The following ARFGEF1 variants were observed in gnomAD, a reference collection of about 807,000 sequenced individuals.
ARFGEF1 encodes the protein brefeldin A-inhibited guanine nucleotide-exchange protein 1.
Under a neutral mutation model 231.0 loss-of-function variants are expected in ARFGEF1, and 42 were observed. The observed-to-expected ratio is 0.18, with a 90% CI of 0.14 to 0.24. The LOEUF (loss-of-function observed/expected upper bound fraction) is 0.24, where lower values mean the gene tolerates loss of function less well. Ranked by LOEUF, ARFGEF1 falls within the 10% of genes least tolerant of loss-of-function variation. ARFGEF1 has a pLI of 1.00. For missense variants in ARFGEF1, 1,345 were observed against 2,192.0 expected, an observed-to-expected ratio of 0.61 and a Z score of 7.72; for synonymous variants, 710 against 732.3, an observed-to-expected ratio of 0.97 and a Z score of 0.49.
At chr8:67,318,364 T>C (rs926388222) in intron 1 of ARFGEF1, among the ~76,000 whole-genome samples, 6 of 151,170 alleles carry the variant, frequency 4.0e-5, no homozygotes, top group African/African-American at 9.7e-5. Context: ...AACCTAGCAA[T>C]AGAGGAGAAT....
chr8:67,271,757 G>A lies in ARFGEF1; in HGVS notation c.1517C>T (p.Ser506Phe). 11 of 1,613,652 alleles carry A rather than the reference G, an allele frequency of 6.8e-6. No individual in the cohort carries two copies. The highest frequency in any genetic ancestry group is 8.5e-6 in the Non-Finnish European group (10 of 1,179,846). ...SVPEVFELSL[S>F]IFLTLLSNFK... Reference sequence around the variant, plus strand: ...ATTTGACAACAAAGTAAGAAATATAGAAAGAGAAAGCTCAAAAACCTCTGG... The same window carrying A: ...ATTTGACAACAAAGTAAGAAATATAAAAAGAGAAAGCTCAAAAACCTCTGG... The change falls in exon 10 of 39, where the codon TCT becomes TTT. Residue 506 changes from serine (S) to phenylalanine (F), a missense_variant. Physicochemically the swap from Ser to Phe is radical, Grantham distance 155. Coordinates refer to ENST00000262215, the MANE Select transcript of ARFGEF1 (RefSeq NM_006421.5).
Position 67,275,921 on chromosome 8 carries a change from G to A in ARFGEF1, c.1337+55C>T, listed in dbSNP as rs1055681248. Reference sequence around the variant, plus strand: ...AGAAAATCCAAACATTACCTTAACAGTAAGTTTCAAGCCTAAAAACCTCTA... The same window carrying A: ...AGAAAATCCAAACATTACCTTAACAATAAGTTTCAAGCCTAAAAACCTCTA... On this transcript the variant is annotated intron_variant, in intron 9 of 38. Coordinates refer to ENST00000262215, the MANE Select transcript of ARFGEF1 (RefSeq NM_006421.5). 8.8e-6 allele frequency: 14 copies of A among 1,599,370 alleles called. No individual in the cohort carries two copies. In the African/African-American group the frequency reaches 1.8e-4, roughly 20 times the overall value.
At chr8:67,236,372 A>ATATATATATATG (rs1839764869) in intron 22 of ARFGEF1, among the ~76,000 whole-genome samples, 1 of 34,200 alleles carries the variant, frequency 2.9e-5, no homozygotes, top group African/African-American at 1.6e-4. Flanking sequence ...AAAAATATAT[A>ATATATATATATG]TATATATATA....
intron 1 of ARFGEF1, among the ~76,000 whole-genome samples, chr8:67,335,733 A>T (rs946066427): frequency 1.3e-5 from 2 of 152,150 alleles, no homozygotes; most frequent in African/African-American, 4.8e-5. Flanking sequence ...TGGTAATATG[A>T]AATATTTTAA....
rs1429766310 is a variant in ARFGEF1 at position 67,198,308 on chromosome 8, T to C, written c.*626A>G. The C allele has an allele frequency of 2.0e-6, 2 of 984,366 alleles. No homozygotes were observed. Among genetic ancestry groups the C allele is most frequent in the Non-Finnish European group, 2.4e-6 (2 of 828,700 alleles). 61.0% of individuals were successfully genotyped at this position (984,366 alleles called of 1,614,324 possible). On this transcript the variant is annotated 3_prime_UTR_variant, in exon 39 of 39. Coordinates refer to ENST00000262215, the MANE Select transcript of ARFGEF1 (RefSeq NM_006421.5). The stretch of plus-strand genomic sequence containing the variant: ...GTTTAGTGCATTTGACAAAATATTA[T>C]GGGTATTTAGCAAATGAATAAGAAA...
downstream of ARFGEF1, among the ~76,000 whole-genome samples, chr8:67,196,890 C>CACTT (rs879807517): frequency 1.1e-4 from 16 of 152,158 alleles, no homozygotes; most frequent in African/African-American, 2.7e-4. Flanking sequence ...AAATACAGCA[C>CACTT]ACTTACTTAC....
chr8:67,343,105 G>GCC, intron 1 of ARFGEF1, 59 bp downstream of exon 1: 1 of 483,916 alleles, frequency 2.1e-6, no homozygotes, highest in South Asian at 3.8e-5. Flanking sequence ...CCCCCCACAG[G>GCC]CGCCCCCCTC....
intron 1 of ARFGEF1, among the ~76,000 whole-genome samples, chr8:67,324,265 G>C (rs1807727819): frequency 6.6e-6 from 1 of 152,192 alleles, no homozygotes; most frequent in Non-Finnish European, 1.5e-5. Flanking sequence ...CTGCACTCTA[G>C]CTTGGCAACT....
At chr8:67,217,396 A>G (rs1398223744) in intron 32 of ARFGEF1, among the ~76,000 whole-genome samples, 4 of 151,996 alleles carry the variant, frequency 2.6e-5, no homozygotes, top group Admixed American at 2.0e-4. Context: ...TACGAAATAT[A>G]GTATGTGTAA....
chr8:67,176,526 A>T (rs2129569095), intron 5 of ARFGEF1, among the ~76,000 whole-genome samples: 1 of 152,332 alleles, frequency 6.6e-6, no homozygotes, highest in African/African-American at 2.4e-5. Flanking sequence ...TTCTAGGATA[A>T]GCAGTAGGTA....
In ARFGEF1 at chr8:67,291,967, C is replaced by A. The variant is rs61753695; in HGVS notation, c.796G>T (p.Asp266Tyr). The A allele has an allele frequency of 5.8e-3, 9,362 of 1,613,872 alleles. 41 individuals are homozygous for A. Among genetic ancestry groups the A allele is most frequent in the Middle Eastern group, 0.011 (65 of 6,062 alleles). ...HISQEHEGDL[D>Y]LHTNDVDKSL... ...TTATCTACATCATTTGTATGGAGGTCAAGGTCCCCTTCGTGTTCTTGGGAT... is the reference window on the plus strand; with the variant it reads ...TTATCTACATCATTTGTATGGAGGTAAAGGTCCCCTTCGTGTTCTTGGGAT... The change falls in exon 6 of 39, where the codon GAC becomes TAC. Residue 266 changes from aspartate (D) to tyrosine (Y), a missense_variant. Coordinates refer to ENST00000262215, the MANE Select transcript of ARFGEF1 (RefSeq NM_006421.5).
chr8:67,327,878 C>G (rs1807910611), intron 1 of ARFGEF1, among the ~76,000 whole-genome samples: 1 of 152,186 alleles, frequency 6.6e-6, no homozygotes, highest in Non-Finnish European at 1.5e-5. Context: ...TGTATTAACA[C>G]AACATCATTT....
chr8:67,200,609 A>G, intron 37 of ARFGEF1, 96 bp from the exon 38 acceptor site: 2 of 746,722 alleles, frequency 2.7e-6, no homozygotes, highest in Non-Finnish European at 4.6e-6. Context: ...AGTGAATATG[A>G]ACTATTCAAG....
At chr8:67,236,349 T>A (rs1176248319) in intron 22 of ARFGEF1, among the ~76,000 whole-genome samples, 3 of 13,962 alleles carry the variant, frequency 2.1e-4, no homozygotes, top group Non-Finnish European at 4.0e-4. Flanking sequence ...AGATATTAGT[T>A]AAAAAAAAAA....
chr8:67,292,478 G>A (rs562337120), intron 5 of ARFGEF1, among the ~76,000 whole-genome samples: 5 of 151,918 alleles, frequency 3.3e-5, no homozygotes, highest in Admixed American at 2.0e-4. Context: ...ACCTATAGAG[G>A]GTAGAGATTA....
In ARFGEF1 at chr8:67,236,664, G is replaced by A. The variant is rs1253143879; in HGVS notation, c.3289+1679C>T. Among the ~76,000 whole-genome samples the A allele has an allele frequency of 2.6e-5, 4 of 151,998 alleles. No homozygotes were observed. In the East Asian group the frequency reaches 7.7e-4, roughly 29 times the overall value. On this transcript the variant is annotated intron_variant, in intron 22 of 38. Transcript: ENST00000262215. ...AGGATGTGGATTCAAAATGGAGCAT[G>A]GAGTCAGGACTGAGCAGAGAATGGT...
chr8:67,201,644 G>A, intron 36 of ARFGEF1, 39 bp from the exon 37 acceptor site: 2 of 1,611,306 alleles, frequency 1.2e-6, no homozygotes, highest in East Asian at 2.2e-5. Context: ...GTTTGGGAAG[G>A]CATCTTATGT....
At chr8:67,200,210 AG>A (rs756114380) in intron 38 of ARFGEF1, 185 bp downstream of exon 38, 1 of 654,468 alleles carries the variant, frequency 1.5e-6, no homozygotes, top group Non-Finnish European at 2.8e-6. Context: ...AAGCTGGGTA[AG>A]GGGGGAGAAA....
At position 67,248,189 on chromosome 8, in the gene ARFGEF1, C is replaced by T. The variant is rs973086245; in HGVS notation, c.2850+3110G>A. Among the ~76,000 whole-genome samples, 2 of 149,874 alleles carry T rather than the reference C, an allele frequency of 1.3e-5. 1 individual carries two copies. Among genetic ancestry groups the T allele is most frequent in the Non-Finnish European group, 3.0e-5 (2 of 67,688 alleles). Reference sequence around the variant, plus strand: ...AAGACCCAGAATAGCCAAAGCTATCCTGAGCAAAAAGTACAAAACTGAAGA... The same window carrying T: ...AAGACCCAGAATAGCCAAAGCTATCTTGAGCAAAAAGTACAAAACTGAAGA... On this transcript the variant is annotated intron_variant, in intron 19 of 38. Transcript: ENST00000262215.
Sources: gnomAD v4.1 joint callset for allele counts (sites outside exome capture counted in the v4.1 genomes callset) on GRCh38, gnomAD v4.1.1 for gene constraint, MANE v1.5 for transcripts, NCBI Gene and HGNC (gene_info 2026-07-23, HGNC 2026-07-21) for gene names.